LINGO2: variants seen among roughly 807,000 people sequenced by gnomAD.
LINGO2 encodes the protein leucine rich repeat and Ig domain containing 2, also known as leucine-rich repeat and immunoglobulin-like domain-containing nogo receptor-interacting protein 2.
In LINGO2, 14 loss-of-function variants were observed where a neutral mutation model predicts 30.6. The ratio of observed to expected loss-of-function variants is 0.46; its 90% CI spans 0.30 to 0.72. The LOEUF (loss-of-function observed/expected upper bound fraction) is 0.72, where lower values mean the gene tolerates loss of function less well. LINGO2 is among the 30% of genes least tolerant of loss of function. LINGO2 has a pLI of 0.07. For missense variants in LINGO2, 729 were observed against 751.7 expected (o/e 0.97, Z 0.35); for synonymous variants, 317 against 288.5 (o/e 1.10, Z -1.00).
At chr9:27,967,236 T>C (rs13287141) in intron 5 of LINGO2, among the ~76,000 whole-genome samples, 1 of 152,202 alleles carries the variant, frequency 6.6e-6, no homozygotes, top group East Asian at 1.9e-4. Context: ...AGTTTATTAG[T>C]TCTGCTCTGT....
chr9:28,862,307 C>G, the LINGO2 span, among the ~76,000 whole-genome samples: 1 of 151,846 alleles, frequency 6.6e-6, no homozygotes, highest in African/African-American at 2.4e-5. Flanking sequence ...GAATTAAAGG[C>G]TAGGAAATAA....
chr9:29,175,227 C>A, the LINGO2 span, among the ~76,000 whole-genome samples: 1 of 152,128 alleles, frequency 6.6e-6, no homozygotes, highest in Admixed American at 6.5e-5. Flanking sequence ...CCACTGCACT[C>A]CAGCCTGGGC....
At chr9:29,103,689 T>C in the LINGO2 span, among the ~76,000 whole-genome samples, 1 of 152,156 alleles carries the variant, frequency 6.6e-6, no homozygotes. Context: ...GAGATGTAGG[T>C]TCTTGTCCTA....
At chr9:28,638,245 A>C (rs1242569642) in intron 1 of LINGO2, among the ~76,000 whole-genome samples, 1 of 152,180 alleles carries the variant, frequency 6.6e-6, no homozygotes, top group Non-Finnish European at 1.5e-5. Flanking sequence ...GGATTTCTGC[A>C]TCGATGTTCA....
At position 28,205,223 on chromosome 9, in the gene LINGO2, C is replaced by A. The variant is rs143726185; in HGVS notation, c.-87+89985G>T. Among the ~76,000 whole-genome samples the A allele has an allele frequency of 2.7e-3, 410 of 152,230 alleles. 5 individuals carry two copies. Among genetic ancestry groups the A allele is most frequent in the African/African-American group, 9.3e-3 (388 of 41,540 alleles). ...TGTGTTCAAATAGCATATGATATAACCTGATGGTCACATTTGGAGAGTCAA... is the reference window on the plus strand; with the variant it reads ...TGTGTTCAAATAGCATATGATATAAACTGATGGTCACATTTGGAGAGTCAA... On this transcript the variant is annotated intron_variant, in intron 4 of 5. Coordinates refer to ENST00000379992, the Ensembl canonical transcript of LINGO2.
the LINGO2 span, among the ~76,000 whole-genome samples, chr9:29,111,370 G>A: frequency 6.6e-6 from 1 of 151,944 alleles, no homozygotes; most frequent in African/African-American, 2.4e-5. Context: ...ACGGCCCTTT[G>A]CTCACTCAAA....
chr9:28,961,341 G>A, the LINGO2 span, among the ~76,000 whole-genome samples: 17 of 152,180 alleles, frequency 1.1e-4, no homozygotes, highest in South Asian at 2.3e-3. Context: ...ATAGTCTGGC[G>A]ATTTATATAC....
At chr9:28,247,765 A>G (rs1230508579) in intron 4 of LINGO2, among the ~76,000 whole-genome samples, 1 of 152,230 alleles carries the variant, frequency 6.6e-6, no homozygotes, top group East Asian at 1.9e-4. Flanking sequence ...GTTTAAAAAA[A>G]AAATTGAATA....
At chr9:29,094,960 C>A in the LINGO2 span, among the ~76,000 whole-genome samples, 1 of 137,406 alleles carries the variant, frequency 7.3e-6, no homozygotes, top group Non-Finnish European at 1.6e-5. Flanking sequence ...GAAATTCATA[C>A]ATTTTCATTA....
chr9:28,640,223 A>C (rs1348020928), intron 1 of LINGO2, among the ~76,000 whole-genome samples: 2 of 149,108 alleles, frequency 1.3e-5, no homozygotes, highest in African/African-American at 4.9e-5. Flanking sequence ...TTTGTGGGTA[A>C]CCCGACCTTT....
the LINGO2 span, among the ~76,000 whole-genome samples, chr9:28,916,249 C>A: frequency 3.9e-5 from 6 of 152,090 alleles, no homozygotes; most frequent in African/African-American, 1.4e-4. Flanking sequence ...GAATTTGTTT[C>A]TTTGACATAT....
At chr9:29,183,383 T>C in the LINGO2 span, among the ~76,000 whole-genome samples, 4 of 152,176 alleles carry the variant, frequency 2.6e-5, no homozygotes, top group African/African-American at 9.7e-5. Flanking sequence ...CTCAGAACCT[T>C]GGAAGACCAG....
At chr9:28,743,405 A>G in the LINGO2 span, among the ~76,000 whole-genome samples, 1 of 151,456 alleles carries the variant, frequency 6.6e-6, no homozygotes, top group African/African-American at 2.4e-5. Flanking sequence ...TCATTGTTCA[A>G]CTCATACTTA....
the LINGO2 span, among the ~76,000 whole-genome samples, chr9:28,854,009 T>C: frequency 6.6e-6 from 1 of 151,984 alleles, no homozygotes; most frequent in Non-Finnish European, 1.5e-5. Flanking sequence ...TATAAATTAA[T>C]TGCTGTCAAT....
At chr9:28,065,751 G>A (rs1304017572) in intron 4 of LINGO2, among the ~76,000 whole-genome samples, 3 of 152,134 alleles carry the variant, frequency 2.0e-5, no homozygotes, top group East Asian at 3.9e-4. Context: ...GTAAAATGGG[G>A]TTAATACCAT....
intron 1 of LINGO2, among the ~76,000 whole-genome samples, chr9:28,616,329 A>G (rs1826129852): frequency 6.6e-6 from 1 of 152,114 alleles, no homozygotes; most frequent in African/African-American, 2.4e-5. Context: ...GCACATACAC[A>G]CATGTGAAAT....
At chr9:28,597,054 A>C (rs1186277251) in intron 1 of LINGO2, among the ~76,000 whole-genome samples, 2 of 152,198 alleles carry the variant, frequency 1.3e-5, no homozygotes, top group Non-Finnish European at 2.9e-5. Flanking sequence ...GCAATGATTC[A>C]ATGATAAAAC....
At chr9:28,247,193 G>A (rs896973925) in intron 4 of LINGO2, among the ~76,000 whole-genome samples, 2 of 152,176 alleles carry the variant, frequency 1.3e-5, no homozygotes, top group African/African-American at 4.8e-5. Flanking sequence ...ACAGTGTGGC[G>A]ATTCCTCAAG....
the LINGO2 span, among the ~76,000 whole-genome samples, chr9:28,941,483 T>A: frequency 1.3e-5 from 2 of 152,122 alleles, no homozygotes; most frequent in Non-Finnish European, 2.9e-5. Flanking sequence ...TATAATATTG[T>A]GTGATAAGCC....
Sources: gnomAD v4.1 joint callset for allele counts (sites outside exome capture counted in the v4.1 genomes callset) on GRCh38, gnomAD v4.1.1 for gene constraint, MANE v1.5 for transcripts, NCBI Gene and HGNC (gene_info 2026-07-23, HGNC 2026-07-21) for gene names.